The following BABAM2 variants were observed in gnomAD, a reference collection of about 807,000 sequenced individuals.
BABAM2 encodes BRISC and BRCA1-A complex member 2.
Under a neutral mutation model 54.7 loss-of-function variants are expected in BABAM2, and 31 were observed. The observed-to-expected ratio is 0.57, with a 90% CI of 0.43 to 0.77. BABAM2 has a LOEUF of 0.77. Ranked by LOEUF, BABAM2 falls within the 30% of genes least tolerant of loss-of-function variation. The probability of loss-of-function intolerance (pLI) is 0.00; values close to 1 mark genes in which losing one functional copy is unlikely to be tolerated. For synonymous variants in BABAM2, 167 were observed against 162.9 expected, an observed-to-expected ratio of 1.03 and a Z score of -0.19; for missense variants, 364 against 455.8, an observed-to-expected ratio of 0.80 and a Z score of 1.83.
At chr2:28,066,996 G>A (rs1474317634) in intron 6 of BABAM2, among the ~76,000 whole-genome samples, 1 of 152,158 alleles carries the variant, frequency 6.6e-6, no homozygotes, top group African/African-American at 2.4e-5. Flanking sequence ...CGCCCAGGCT[G>A]GAGTGCAATG....
chr2:28,002,287 G>A (rs1441106355), intron 4 of BABAM2, among the ~76,000 whole-genome samples: 2 of 152,118 alleles, frequency 1.3e-5, no homozygotes, highest in African/African-American at 2.4e-5. Flanking sequence ...GTATCACAAA[G>A]TCTTGGAATT....
chr2:27,971,387 T>C (rs1671209022), intron 3 of BABAM2, among the ~76,000 whole-genome samples: 2 of 152,174 alleles, frequency 1.3e-5, no homozygotes, highest in South Asian at 4.1e-4. Context: ...TACAGTCACA[T>C]GTTCTTTTTC....
Position 28,322,161 on chromosome 2 carries a change from G to A in BABAM2, c.1089-16289G>A, listed in dbSNP as rs1038840599. On this transcript the variant is annotated intron_variant, in intron 11 of 11. Coordinates refer to ENST00000379624, the MANE Select transcript of BABAM2 (RefSeq NM_199191.3). This position sits in a 1 kb window ranked among gnomAD's most constrained non-coding sequence, Gnocchi z 4.1. Reference sequence around the variant, plus strand: ...CTCCAGTGTTTATACCACTGAGACTGGGGCAGAGTAGTCTGGAGTGCTGCA... The same window carrying A: ...CTCCAGTGTTTATACCACTGAGACTAGGGCAGAGTAGTCTGGAGTGCTGCA... 2.0e-5 allele frequency among the ~76,000 whole-genome samples: 3 copies of A among 152,080 alleles called. No homozygotes were observed. Among genetic ancestry groups the A allele is most frequent in the Non-Finnish European group, 2.9e-5 (2 of 68,024 alleles).
At chr2:27,983,618 C>G (rs1672174526) in intron 3 of BABAM2, among the ~76,000 whole-genome samples, 1 of 151,930 alleles carries the variant, frequency 6.6e-6, no homozygotes, top group Non-Finnish European at 1.5e-5. Context: ...TTATTTAGGC[C>G]TTTTTTAATT....
chr2:28,228,826 G>A (rs1681118166), intron 7 of BABAM2, among the ~76,000 whole-genome samples: 1 of 152,118 alleles, frequency 6.6e-6, no homozygotes, highest in Non-Finnish European at 1.5e-5. Flanking sequence ...CCTGATGGTG[G>A]ACATCTGTTA....
At chr2:28,237,467 C>G (rs1033078679) in intron 8 of BABAM2, among the ~76,000 whole-genome samples, 166 bp downstream of exon 8, 1 of 152,154 alleles carries the variant, frequency 6.6e-6, no homozygotes. Flanking sequence ...ATCTGTTTCT[C>G]TCCCCATTTC....
intron 6 of BABAM2, among the ~76,000 whole-genome samples, chr2:28,097,175 C>T (rs562176688): frequency 1.3e-5 from 2 of 151,984 alleles, no homozygotes; most frequent in Admixed American, 6.6e-5. Flanking sequence ...GTAGGGAAAC[C>T]GTGATGCCTG....
chr2:28,086,619 G>A (rs899492172), intron 6 of BABAM2, among the ~76,000 whole-genome samples: 6 of 152,034 alleles, frequency 3.9e-5, no homozygotes, highest in African/African-American at 1.4e-4. Context: ...TGTTTTCAAG[G>A]GCCTTATCTA....
At chr2:27,927,183 C>T (rs190680241) in intron 2 of BABAM2, among the ~76,000 whole-genome samples, 4 of 152,166 alleles carry the variant, frequency 2.6e-5, no homozygotes, top group Admixed American at 2.6e-4. Context: ...AACACTTAAC[C>T]AGTTCTGGTT....
chr2:28,296,500 C>T (rs74931092), intron 10 of BABAM2, among the ~76,000 whole-genome samples: 68 of 152,184 alleles, frequency 4.5e-4, no homozygotes, highest in African/African-American at 1.6e-3. Context: ...CACTCCGAGT[C>T]TAAGAGGCCC....
chr2:28,241,429 T>G (rs1457948198), intron 9 of BABAM2, 36 bp downstream of exon 9: 2 of 1,582,520 alleles, frequency 1.3e-6, no homozygotes, highest in Non-Finnish European at 1.7e-6. Flanking sequence ...ATACCGGTGA[T>G]GCCCTCGCTT....
chr2:28,298,109 A>T (rs1014652985), intron 10 of BABAM2, among the ~76,000 whole-genome samples: 2 of 152,154 alleles, frequency 1.3e-5, no homozygotes, highest in African/African-American at 4.8e-5. Flanking sequence ...TCTATTGGTG[A>T]CATTTTCACC....
intron 7 of BABAM2, among the ~76,000 whole-genome samples, chr2:28,131,623 A>T (rs906741321): frequency 6.6e-6 from 1 of 152,120 alleles, no homozygotes; most frequent in Non-Finnish European, 1.5e-5. Flanking sequence ...AATACTGTTC[A>T]TAAAGCATTA....
chr2:28,077,511 G>A lies in BABAM2; in HGVS notation c.570+31712G>A, dbSNP rs148650765. ...TCTAGAACTTCTAAGGATAAAGGCTGTTATTTTTGAGATAATTTAAACCCA... is the reference window on the plus strand; with the variant it reads ...TCTAGAACTTCTAAGGATAAAGGCTATTATTTTTGAGATAATTTAAACCCA... On this transcript the variant is annotated intron_variant, in intron 6 of 11. Transcript: ENST00000379624. 1.7e-3 allele frequency among the ~76,000 whole-genome samples: 259 copies of A among 152,252 alleles called. 2 individuals are homozygous for A. The highest frequency in any genetic ancestry group is 6.1e-3 in the African/African-American group (255 of 41,548).
chr2:28,338,363 T>C, intron 11 of BABAM2, 87 bp from the exon 12 acceptor site: 1 of 1,186,560 alleles, frequency 8.4e-7, no homozygotes, highest in Non-Finnish European at 1.3e-6. Flanking sequence ...ACAACTGTTC[T>C]GAGTTAGCTT....
chr2:28,125,168 A>G (rs1451438851), intron 6 of BABAM2, among the ~76,000 whole-genome samples: 2 of 152,246 alleles, frequency 1.3e-5, no homozygotes, highest in Non-Finnish European at 2.9e-5. Context: ...TCCAGATTTT[A>G]AAGAGTGGTA....
intron 11 of BABAM2, chr2:28,308,879 T>G (rs1038439135): frequency 1.9e-5 from 3 of 156,164 alleles, no homozygotes; most frequent in African/African-American, 7.2e-5. Flanking sequence ...TTTCCTTGTC[T>G]ATAAAATGGT....
chr2:28,042,631 A>G, intron 5 of BABAM2, among the ~76,000 whole-genome samples: 1 of 152,082 alleles, frequency 6.6e-6, no homozygotes, highest in East Asian at 1.9e-4. Context: ...CTGACTGGTG[A>G]GGGCTTAAGA....
In BABAM2 at chr2:28,014,466, A is replaced by G. The variant is rs966706628; in HGVS notation, c.301-10760A>G. 2.0e-5 allele frequency among the ~76,000 whole-genome samples: 3 copies of G among 152,168 alleles called. No individual in the cohort carries two copies. The South Asian group carries it at 6.2e-4, about 32-fold the overall frequency. ...AGTTTACTTGACAGACACAGTTCCT[A>G]AGTAAATGTGAGGACTTAACCTAAC... On this transcript the variant is annotated intron_variant, in intron 4 of 11. Coordinates refer to ENST00000379624, the MANE Select transcript of BABAM2 (RefSeq NM_199191.3).
Sources: allele counts gnomAD v4.1 joint callset (sites outside exome capture counted in the v4.1 genomes callset), GRCh38; gene constraint gnomAD v4.1.1; non-coding constraint Gnocchi (gnomAD v3.1); transcripts MANE v1.5; gene names NCBI Gene and HGNC (gene_info 2026-07-23, HGNC 2026-07-21).